Variants in SPATA13 observed in about 807,000 individuals in gnomAD.
The protein encoded by SPATA13 is spermatogenesis-associated protein 13.
SPATA13 carries 50 observed loss-of-function variants against 104.0 expected under a neutral mutation model. The ratio of observed to expected loss-of-function variants is 0.48; its 90% CI spans 0.38 to 0.61. The LOEUF (loss-of-function observed/expected upper bound fraction) is 0.61, where lower values mean the gene tolerates loss of function less well. Ranked by LOEUF, SPATA13 falls within the 20% of genes least tolerant of loss-of-function variation. SPATA13 has a pLI of 0.00. For synonymous variants in SPATA13, 606 were observed against 667.5 expected, an observed-to-expected ratio of 0.91 and a Z score of 1.42; for missense variants, 1,524 against 1,690.6, an observed-to-expected ratio of 0.90 and a Z score of 1.73.
At chr13:24,170,611 G>A (rs925301046) in intron 1 of SPATA13, among the ~76,000 whole-genome samples, 3 of 150,922 alleles carry the variant, frequency 2.0e-5, no homozygotes, top group Non-Finnish European at 3.0e-5. Flanking sequence ...TGAGGCTTTT[G>A]AAGAACACTC....
chr13:24,125,876 C>T (rs916105889), intron 3 of SPATA13, among the ~76,000 whole-genome samples: 10 of 152,230 alleles, frequency 6.6e-5, no homozygotes, highest in Middle Eastern at 3.4e-3. Flanking sequence ...AAGGAAAAGA[C>T]GAATGGAAGG....
chr13:24,251,696 A>G (rs767894033), intron 3 of SPATA13, 22 bp from the exon 4 acceptor site: 17 of 1,612,542 alleles, frequency 1.1e-5, no homozygotes, highest in Non-Finnish European at 1.4e-5. Flanking sequence ...ACCTCCTCAC[A>G]GATTTTGCTT....
chr13:24,176,650 C>A (rs1868452273), intron 1 of SPATA13, among the ~76,000 whole-genome samples: 1 of 151,958 alleles, frequency 6.6e-6, no homozygotes, highest in African/African-American at 2.4e-5. Flanking sequence ...TCACCTTGGA[C>A]CTGTTTCATT....
intron 2 of SPATA13, among the ~76,000 whole-genome samples, chr13:24,225,807 G>A (rs1871900702): frequency 6.6e-6 from 1 of 152,240 alleles, no homozygotes; most frequent in Non-Finnish European, 1.5e-5. Context: ...AGCTCGGTGA[G>A]CTGGCCAGGA....
chr13:24,221,720 C>T (rs1320081388), intron 1 of SPATA13, among the ~76,000 whole-genome samples: 1 of 151,078 alleles, frequency 6.6e-6, no homozygotes, highest in Non-Finnish European at 1.5e-5. Context: ...GTGGGATGGG[C>T]ATGGGTGCAG....
chr13:24,171,659 A>G (rs2138506247), intron 1 of SPATA13, among the ~76,000 whole-genome samples: 1 of 152,328 alleles, frequency 6.6e-6, no homozygotes, highest in East Asian at 1.9e-4. Flanking sequence ...TCCTTGTATC[A>G]GTGGTGAGGT....
chr13:24,282,727 C>A (rs760440607), intron 4 of SPATA13, among the ~76,000 whole-genome samples: 7 of 152,236 alleles, frequency 4.6e-5, no homozygotes, highest in Non-Finnish European at 8.8e-5. Context: ...GACACCATCA[C>A]CACAGTAGCA....
At chr13:24,072,649 A>C (rs1045091201) in intron 3 of SPATA13, among the ~76,000 whole-genome samples, 3 of 152,078 alleles carry the variant, frequency 2.0e-5, no homozygotes, top group African/African-American at 7.2e-5. Context: ...ATTTCATTGA[A>C]TCTGCCTTCT....
At position 24,251,695 on chromosome 13, in the gene SPATA13, C is replaced by T. The variant is rs1239891064; in HGVS notation, c.2020-23C>T. 7 of 1,612,464 alleles carry T rather than the reference C, an allele frequency of 4.3e-6. No homozygotes were observed. In the African/African-American group the frequency reaches 9.3e-5, roughly 22 times the overall value. ...GCTGCCACTTCCTGGTACCTCCTCA[C>T]AGATTTTGCTTTCTTTTTGCAGCCG... is the stretch of plus-strand genomic sequence containing the variant. On this transcript the variant is annotated intron_variant, in intron 3 of 12. Transcript: ENST00000382108.
At chr13:24,019,087 A>ATT (rs1445015440) in intron 3 of SPATA13, among the ~76,000 whole-genome samples, 1 of 138,142 alleles carries the variant, frequency 7.2e-6, no homozygotes, top group African/African-American at 2.6e-5. Context: ...TATTATTATT[A>ATT]TTATTATTTT....
intron 4 of SPATA13, among the ~76,000 whole-genome samples, chr13:24,270,338 T>G (rs1372058799): frequency 1.3e-5 from 2 of 152,212 alleles, no homozygotes; most frequent in African/African-American, 4.8e-5. Flanking sequence ...TTTCATAAAT[T>G]TATAGCTAAC....
At chr13:24,196,259 C>A (rs1295184591) in intron 1 of SPATA13, among the ~76,000 whole-genome samples, 1 of 152,064 alleles carries the variant, frequency 6.6e-6, no homozygotes, top group Non-Finnish European at 1.5e-5. Context: ...AGGTGTGTTC[C>A]CTAAGAGTGA....
In SPATA13 at chr13:24,290,794, T is replaced by C. The variant is rs1271159246; in HGVS notation, c.2990T>C (p.Ile997Thr). 1 of 1,614,202 alleles carries C rather than the reference T, an allele frequency of 6.2e-7. No individual in the cohort carries two copies. Among genetic ancestry groups the C allele is most frequent in the Non-Finnish European group, 8.5e-7 (1 of 1,180,034 alleles). The change falls in exon 9 of 13, where the codon ATC (isoleucine) becomes ACC (threonine). Residue 997 changes from isoleucine to threonine, a missense_variant. By Grantham distance (89) the Ile-to-Thr change is moderately conservative. Around this residue, in one of 2 missense-constraint regions of SPATA13, gnomAD observed 435 missense variants for 554.8 expected, o/e 0.78. Coordinates refer to ENST00000382108, the MANE Select transcript of SPATA13 (RefSeq NM_001166271.3). Reference protein sequence around the residue: ...RLLQQMIDIAIDGFLLTPVQK... With the variant: ...RLLQQMIDIATDGFLLTPVQK... ...CTGCAGCAGATGATTGACATCGCCA[T>C]CGACGGGTTCCTGCTCACACCAGTG...
chr13:24,123,795 T>G, intron 3 of SPATA13: 1 of 1,004,162 alleles, frequency 1.0e-6, no homozygotes. Flanking sequence ...GGTGAGAGCA[T>G]GAGAAACTCC....
chr13:24,256,972 T>C (rs1873821598), intron 4 of SPATA13, among the ~76,000 whole-genome samples: 1 of 152,264 alleles, frequency 6.6e-6, no homozygotes, highest in African/African-American at 2.4e-5. Context: ...CTTTGCCGCC[T>C]TTGCTTTGCT....
At chr13:24,279,013 G>C (rs1875279156) in intron 4 of SPATA13, among the ~76,000 whole-genome samples, 2 of 118,402 alleles carry the variant, frequency 1.7e-5, no homozygotes, top group South Asian at 3.1e-4. Flanking sequence ...TTCCTTCCCT[G>C]CCTCCCATGT....
At chr13:23,997,486 A>G (rs1274607757) in intron 2 of SPATA13, among the ~76,000 whole-genome samples, 1 of 152,230 alleles carries the variant, frequency 6.6e-6, no homozygotes, top group Non-Finnish European at 1.5e-5. Context: ...AGATTTATCC[A>G]TGTCTTTCCA....
chr13:24,181,761 C>CTTTTTTT (rs374662974), intron 1 of SPATA13, among the ~76,000 whole-genome samples: 1 of 145,008 alleles, frequency 6.9e-6, no homozygotes. Flanking sequence ...TTACAGTTGA[C>CTTTTTTT]TTTTTTTTTT....
chr13:23,996,631 T>A (rs1261899500), intron 2 of SPATA13, among the ~76,000 whole-genome samples: 1 of 149,082 alleles, frequency 6.7e-6, no homozygotes, highest in Non-Finnish European at 1.5e-5. Context: ...TGGCTGAGAT[T>A]TGGCTACTGA....
Sources: gnomAD v4.1 joint callset for allele counts (sites outside exome capture counted in the v4.1 genomes callset) on GRCh38, gnomAD v4.1.1 for gene constraint, gnomAD v4.1.1 regional missense constraint, MANE v1.5 for transcripts, NCBI Gene and HGNC (gene_info 2026-07-23, HGNC 2026-07-21) for gene names.